The following PLCH1 variants were observed in gnomAD, a reference collection of about 807,000 sequenced individuals.
PLCH1 encodes phospholipase C eta 1, also known as 1-phosphatidylinositol 4,5-bisphosphate phosphodiesterase eta-1.
Under a neutral mutation model 126.7 loss-of-function variants are expected in PLCH1, and 60 were observed. That is an observed-to-expected ratio of 0.47 (90% CI 0.38 to 0.59). The LOEUF (loss-of-function observed/expected upper bound fraction) is 0.59. PLCH1 is among the 20% of genes least tolerant of loss of function. PLCH1 has a pLI of 0.00. For missense variants in PLCH1, 1,723 were observed against 2,040.0 expected (o/e 0.84, Z 2.99); for synonymous variants, 719 against 734.9 (o/e 0.98, Z 0.35).
chr3:155,674,983 TTC>T (rs1743947493), intron 2 of PLCH1, among the ~76,000 whole-genome samples: 1 of 152,202 alleles, frequency 6.6e-6, no homozygotes, highest in Non-Finnish European at 1.5e-5. Flanking sequence ...ATGGAAATCC[TTC>T]TGACAAACTG....
chr3:155,515,293 A>G (rs1720168950), intron 11 of PLCH1, among the ~76,000 whole-genome samples: 1 of 152,238 alleles, frequency 6.6e-6, no homozygotes, highest in African/African-American at 2.4e-5. Context: ...ATGCTATTTG[A>G]TGCTTTTAAC....
chr3:155,515,072 T>C (rs1015891366), intron 11 of PLCH1, among the ~76,000 whole-genome samples, 188 bp from the exon 12 acceptor site: 5 of 152,268 alleles, frequency 3.3e-5, no homozygotes, highest in African/African-American at 4.8e-5. Flanking sequence ...TAAGGATTAC[T>C]ATTTATTAAG....
intron 10 of PLCH1, among the ~76,000 whole-genome samples, chr3:155,548,457 T>G (rs1253113944): frequency 6.6e-6 from 1 of 152,206 alleles, no homozygotes; most frequent in Non-Finnish European, 1.5e-5. Context: ...CCCTGGGATA[T>G]TCTGTGTCAA....
intron 1 of PLCH1, among the ~76,000 whole-genome samples, chr3:155,713,719 C>T (rs1273280208): frequency 6.6e-6 from 1 of 152,232 alleles, no homozygotes; most frequent in Non-Finnish European, 1.5e-5. Flanking sequence ...CTCTTACTAA[C>T]ACTGTGTTTC....
intron 1 of PLCH1, among the ~76,000 whole-genome samples, chr3:155,707,552 G>T (rs1486391966): frequency 6.6e-6 from 1 of 151,986 alleles, no homozygotes; most frequent in African/African-American, 2.4e-5. Context: ...AGCCAGGCGT[G>T]GGGGTGGGCG....
At chr3:155,672,169 G>A (rs1001668557) in intron 2 of PLCH1, among the ~76,000 whole-genome samples, 11 of 152,134 alleles carry the variant, frequency 7.2e-5, no homozygotes, top group African/African-American at 2.7e-4. Flanking sequence ...GGGAATCAAT[G>A]TCTTAAAGTT....
At chr3:155,530,460 G>A (rs550419118) in intron 10 of PLCH1, among the ~76,000 whole-genome samples, 2 of 152,102 alleles carry the variant, frequency 1.3e-5, no homozygotes, top group South Asian at 4.2e-4. Context: ...GGGACTACAG[G>A]TGCCTGCCAC....
chr3:155,482,484 T>A lies in PLCH1; in HGVS notation c.3542A>T (p.Glu1181Val). The A allele has an allele frequency of 6.2e-7, 1 of 1,614,148 alleles. No homozygotes were observed. Among genetic ancestry groups the A allele is most frequent in the Non-Finnish European group, 8.5e-7 (1 of 1,179,996 alleles). The change falls in exon 23 of 23, where the codon GAG (glutamate) becomes GTG (valine). Residue 1181 changes from glutamate (E) to valine (V), a missense_variant. Coordinates refer to ENST00000460012, the MANE Select transcript of PLCH1 (RefSeq NM_014996.4). ...HLIDNVTLTNENEPGSSISAL... is the reference protein window; with the variant it reads ...HLIDNVTLTNVNEPGSSISAL... ...TGAGATGGAACTGCCCGGCTCATTC[T>A]CATTTGTTAAAGTGACATTGTCAAT...
chr3:155,679,146 C>A (rs1361045197), intron 2 of PLCH1, among the ~76,000 whole-genome samples: 1 of 152,238 alleles, frequency 6.6e-6, no homozygotes, highest in Admixed American at 6.5e-5. Context: ...TAAAACAAGA[C>A]ACCCAGTTAA....
intron 2 of PLCH1, among the ~76,000 whole-genome samples, chr3:155,694,402 A>G (rs1368278516): frequency 6.6e-6 from 1 of 152,206 alleles, no homozygotes; most frequent in Non-Finnish European, 1.5e-5. Context: ...TAAAGCATTA[A>G]TTACTTACAA....
At chr3:155,672,330 G>T (rs1457897726) in intron 2 of PLCH1, among the ~76,000 whole-genome samples, 2 of 152,138 alleles carry the variant, frequency 1.3e-5, no homozygotes, top group East Asian at 3.8e-4. Context: ...AGAACAATAA[G>T]GGAGAACTTG....
intron 6 of PLCH1, among the ~76,000 whole-genome samples, chr3:155,573,925 T>G (rs1370308363): frequency 6.6e-6 from 1 of 151,760 alleles, no homozygotes; most frequent in Non-Finnish European, 1.5e-5. Context: ...TCTTACCTCT[T>G]TTTTTTTAGA....
intron 8 of PLCH1, among the ~76,000 whole-genome samples, chr3:155,561,721 A>G (rs1380183314): frequency 6.6e-6 from 1 of 152,060 alleles, no homozygotes; most frequent in Non-Finnish European, 1.5e-5. Context: ...TGACTTCCAC[A>G]ATGGTTGAAC....
intron 21 of PLCH1, among the ~76,000 whole-genome samples, chr3:155,469,122 C>G (rs549935065): frequency 6.6e-6 from 1 of 152,278 alleles, no homozygotes; most frequent in East Asian, 1.9e-4. Context: ...CCAACGTGAG[C>G]GACGCAGAAG....
At position 155,656,292 on chromosome 3, in the gene PLCH1, GA is replaced by G. The variant is rs577663399; in HGVS notation, c.79+47853del. Among the ~76,000 whole-genome samples, 92 of 152,028 alleles carry G rather than the reference GA, an allele frequency of 6.1e-4. 1 individual carries two copies. The highest frequency in any genetic ancestry group is 1.9e-3 in the South Asian group (9 of 4,814). ...GCTGCTTATATTGTTCCAGAGCATA[GA>G]AAAAGAAGCATAAACTGCTAAATTA... On this transcript the variant is annotated intron_variant, in intron 2 of 22. Transcript: ENST00000460012.
chr3:155,710,740 G>A (rs1747055340), intron 1 of PLCH1, among the ~76,000 whole-genome samples: 1 of 151,826 alleles, frequency 6.6e-6, no homozygotes, highest in South Asian at 2.1e-4. Context: ...GGCTGAGGAA[G>A]GAGAATGGCT....
intron 2 of PLCH1, among the ~76,000 whole-genome samples, chr3:155,620,453 G>C (rs1413683363): frequency 6.6e-6 from 1 of 152,152 alleles, no homozygotes; most frequent in Non-Finnish European, 1.5e-5. Flanking sequence ...AATTGACAAG[G>C]AACAGGAAAA....
In PLCH1 at chr3:155,596,370, A is replaced by G. The variant is rs1197066028; in HGVS notation, c.88T>C (p.Cys30Arg). Residue 30 changes from cysteine to arginine, a missense_variant, in exon 3 of 23, where the codon TGC (cysteine) becomes CGC (arginine). Cys to Arg is a radical substitution (Grantham distance 180, BLOSUM62 -3). Coordinates refer to ENST00000460012, the MANE Select transcript of PLCH1 (RefSeq NM_014996.4). ...GTCCCGGACTGCATCACACTCATGC[A>G]TCTTTCAACTGCAAAAGAAATTAGA... ...VDNSVFHVERCMSVMQSGTQM... is the reference protein window; with the variant it reads ...VDNSVFHVERRMSVMQSGTQM... 1 of 1,611,638 alleles carries G rather than the reference A, an allele frequency of 6.2e-7. No individual in the cohort carries two copies. Among genetic ancestry groups the G allele is most frequent in the African/African-American group, 1.3e-5 (1 of 75,002 alleles).
chr3:155,601,086 T>C (rs1398678426), intron 2 of PLCH1, among the ~76,000 whole-genome samples: 3 of 152,164 alleles, frequency 2.0e-5, no homozygotes, highest in African/African-American at 7.2e-5. Flanking sequence ...GCCATTCTCC[T>C]GCCTCAGCCT....
Sources: allele counts gnomAD v4.1 joint callset (sites outside exome capture counted in the v4.1 genomes callset), GRCh38; gene constraint gnomAD v4.1.1; transcripts MANE v1.5; gene names NCBI Gene and HGNC (gene_info 2026-07-23, HGNC 2026-07-21).